Variants in SCOC observed in about 807,000 individuals in gnomAD.
The protein encoded by SCOC is short coiled-coil protein.
A neutral mutation model predicts 9.9 loss-of-function variants in SCOC; 7 were observed. The observed-to-expected ratio is 0.71, with a 90% CI of 0.40 to 1.33. The LOEUF (loss-of-function observed/expected upper bound fraction) is 1.33. SCOC is among the 40% of genes most tolerant of loss of function. SCOC has a pLI of 0.01. For missense variants in SCOC, 66 were observed against 89.7 expected, an observed-to-expected ratio of 0.74 and a Z score of 1.07; for synonymous variants, 19 against 28.2, an observed-to-expected ratio of 0.67 and a Z score of 1.03.
rs1458807091 is a variant in SCOC, at chr4:140,382,173, T to C, written c.*1069T>C. ...AAGTTATACATGTATACTTATTATC[T>C]TGCTCAGTATTTTATCTCACTTGTT... On this transcript the variant is annotated 3_prime_UTR_variant, in exon 4 of 4. Coordinates refer to ENST00000608372, the MANE Select transcript of SCOC (RefSeq NM_001153484.2). The C allele has an allele frequency of 1.3e-5, 2 of 152,228 alleles. No individual in the cohort carries two copies. The highest frequency in any genetic ancestry group is 4.8e-5 in the African/African-American group (2 of 41,472). The allele number at this position is 152,228 out of a possible 1,614,324, so 9.4% of individuals were successfully genotyped here.
chr4:140,297,969 C>G (rs1293109300), intron 1 of SCOC, among the ~76,000 whole-genome samples: 1 of 152,176 alleles, frequency 6.6e-6, no homozygotes, highest in African/African-American at 2.4e-5. Context: ...TCTTTTTAAG[C>G]CTCCATTCCT....
Position 140,298,124 on chromosome 4 carries a change from G to A in SCOC, c.-19+40714G>A, listed in dbSNP as rs115374949. On this transcript the variant is annotated intron_variant, in intron 1 of 4. Transcript: ENST00000394205. Reference sequence around the variant, plus strand: ...GGACATCTGGTTCTCGGGATCGTTCGCCATCCATGCTGGCCTCCCCGGAGG... The same window carrying A: ...GGACATCTGGTTCTCGGGATCGTTCACCATCCATGCTGGCCTCCCCGGAGG... Among the ~76,000 whole-genome samples the A allele has an allele frequency of 6.0e-3, 920 of 152,234 alleles. 6 individuals carry two copies. Among genetic ancestry groups the A allele is most frequent in the African/African-American group, 0.021 (878 of 41,566 alleles).
At chr4:140,325,790 C>T (rs552843315) in intron 1 of SCOC, among the ~76,000 whole-genome samples, 2 of 152,192 alleles carry the variant, frequency 1.3e-5, no homozygotes, top group South Asian at 4.1e-4. Context: ...TAAAGTTAAA[C>T]ATATACTTAC....
At chr4:140,298,090 TTGGG>T (rs1560689367) in intron 1 of SCOC, among the ~76,000 whole-genome samples, 2 of 152,178 alleles carry the variant, frequency 1.3e-5, no homozygotes, top group African/African-American at 4.8e-5. Flanking sequence ...GTGCCAGGTA[TTGGG>T]AAGGGGACAT....
intron 2 of SCOC, among the ~76,000 whole-genome samples, chr4:140,354,068 G>T (rs1361754898): frequency 1.3e-5 from 2 of 152,168 alleles, no homozygotes; most frequent in African/African-American, 4.8e-5. Context: ...TATCCCTCTT[G>T]AAAATCTTTA....
At chr4:140,329,741 C>T (rs947845456) in intron 1 of SCOC, among the ~76,000 whole-genome samples, 4 of 152,030 alleles carry the variant, frequency 2.6e-5, no homozygotes, top group Non-Finnish European at 5.9e-5. Flanking sequence ...AAATCAAAAC[C>T]GCAATGCAAT....
intron 2 of SCOC, among the ~76,000 whole-genome samples, chr4:140,353,402 T>C (rs1475365745): frequency 3.3e-5 from 5 of 151,422 alleles, no homozygotes; most frequent in Non-Finnish European, 7.4e-5. Context: ...TCATTTTCTT[T>C]TTTTCTTTTT....
upstream of SCOC, among the ~76,000 whole-genome samples, chr4:140,340,444 C>A: frequency 6.6e-6 from 1 of 151,340 alleles, no homozygotes; most frequent in East Asian, 1.9e-4. Flanking sequence ...TACACATGTA[C>A]CCTAAAACTT....
intron 1 of SCOC, among the ~76,000 whole-genome samples, chr4:140,271,609 G>A (rs1288240976): frequency 6.6e-6 from 1 of 152,166 alleles, no homozygotes; most frequent in African/African-American, 2.4e-5. Flanking sequence ...GGCATCTTGT[G>A]AGATAATATG....
chr4:140,326,091 A>G (rs938378352), intron 1 of SCOC, among the ~76,000 whole-genome samples: 1 of 152,228 alleles, frequency 6.6e-6, no homozygotes, highest in Non-Finnish European at 1.5e-5. Context: ...TACATATTAT[A>G]TGATTTCATT....
At chr4:140,349,900 C>T (rs558337902) in intron 2 of SCOC, among the ~76,000 whole-genome samples, 117 of 152,308 alleles carry the variant, frequency 7.7e-4, no homozygotes, top group African/African-American at 2.5e-3. Flanking sequence ...CAATCAATGC[C>T]TCACAGCCCC....
rs977489350 is a variant in SCOC, at chr4:140,373,815, C to A, written c.-51+98C>A. 1.9e-5 allele frequency: 25 copies of A among 1,306,346 alleles called. 1 individual carries two copies. The highest frequency in any genetic ancestry group is 7.6e-5 in the East Asian group (3 of 39,684). The allele number at this position is 1,306,346 out of a possible 1,614,324, so 80.9% of individuals were successfully genotyped here. A position where few individuals can be genotyped will look rare whatever the true frequency, so the allele number is the denominator to read the frequency against. The stretch of plus-strand genomic sequence containing the variant: ...CCTGGAGGGCGGGGCGGGCTGGACG[C>A]GGCCCTGCGCACCGGGGGCCCGGGA... On this transcript the variant is annotated intron_variant, in intron 1 of 3. Transcript: ENST00000608372.
Position 140,362,705 on chromosome 4 carries a change from C to T in SCOC, c.71-16416C>T, listed in dbSNP as rs559196735. ...TTAAAAATATTTCTATTAATGGCCA[C>T]TGACTTCTACTGATGCTTCTTTAAT... On this transcript the variant is annotated intron_variant, in intron 2 of 4. Coordinates refer to the SCOC transcript ENST00000338517. 2.0e-5 allele frequency: 3 copies of T among 152,258 alleles called. No homozygotes were observed. In the East Asian group the frequency reaches 5.8e-4, roughly 29 times the overall value. The allele number at this position is 152,258 out of a possible 1,614,324, so 9.4% of individuals were successfully genotyped here.
chr4:140,324,895 A>G (rs938233560), intron 1 of SCOC, among the ~76,000 whole-genome samples: 1 of 152,070 alleles, frequency 6.6e-6, no homozygotes, highest in African/African-American at 2.4e-5. Context: ...AAAAGAAAAA[A>G]AAAAGTTGGA....
exon 2 of SCOC, chr4:140,343,691 C>T (rs760376932): frequency 6.2e-7 from 1 of 1,613,244 alleles, no homozygotes; most frequent in East Asian, 2.2e-5. Flanking sequence ...ACCAACATTT[C>T]TCTTGCAGAT....
At chr4:140,277,239 G>A (rs1731004386) in intron 1 of SCOC, among the ~76,000 whole-genome samples, 1 of 152,058 alleles carries the variant, frequency 6.6e-6, no homozygotes, top group Non-Finnish European at 1.5e-5. Flanking sequence ...GAGGGAATAG[G>A]CCAAGAGGGA....
intron 2 of SCOC, among the ~76,000 whole-genome samples, chr4:140,355,787 A>G (rs934954335): frequency 6.6e-6 from 1 of 152,224 alleles, no homozygotes; most frequent in Admixed American, 6.5e-5. Context: ...CAACCATGCA[A>G]AAGTAATTTA....
chr4:140,368,938 A>G (rs947685123), upstream of SCOC, among the ~76,000 whole-genome samples: 3 of 151,762 alleles, frequency 2.0e-5, no homozygotes, highest in Non-Finnish European at 4.4e-5. Context: ...TCACGTTTTT[A>G]TTCTCCTTTC....
At chr4:140,313,152 T>G (rs1732202879) in intron 1 of SCOC, among the ~76,000 whole-genome samples, 1 of 152,242 alleles carries the variant, frequency 6.6e-6, no homozygotes, top group Non-Finnish European at 1.5e-5. Flanking sequence ...TGTTATTCAA[T>G]GCATTTGCCA....
Sources: gnomAD v4.1 joint callset for allele counts (sites outside exome capture counted in the v4.1 genomes callset) on GRCh38, gnomAD v4.1.1 for gene constraint, MANE v1.5 for transcripts, NCBI Gene and HGNC (gene_info 2026-07-23, HGNC 2026-07-21) for gene names.